The following TMEM63C variants were observed in gnomAD, a reference collection of about 807,000 sequenced individuals.
TMEM63C encodes osmosensitive cation channel TMEM63C.
TMEM63C carries 32 observed loss-of-function variants against 99.2 expected under a neutral mutation model. The observed-to-expected ratio is 0.32, with a 90% CI of 0.24 to 0.43. The LOEUF is 0.43. TMEM63C is among the 20% of genes least tolerant of loss of function. TMEM63C has a pLI of 1.00. For missense variants in TMEM63C, 826 were observed against 1,053.0 expected, an observed-to-expected ratio of 0.78 and a Z score of 2.98; for synonymous variants, 376 against 397.9, an observed-to-expected ratio of 0.94 and a Z score of 0.66.
Position 77,240,478 on chromosome 14 carries a change from G to A in TMEM63C, c.934G>A (p.Asp312Asn). The A allele has an allele frequency of 1.2e-6, 2 of 1,609,024 alleles. No homozygotes were observed. The highest frequency in any genetic ancestry group is 1.7e-6 in the Non-Finnish European group (2 of 1,179,558). ...CKCWTCFKEV[D>N]AEQYYSELEE... ...TGAAGGCTGCCTGCCACCCCAGGTGGATGCAGAGCAGTATTACAGCGAGCT... is the reference window on the plus strand; with the variant it reads ...TGAAGGCTGCCTGCCACCCCAGGTGAATGCAGAGCAGTATTACAGCGAGCT... Residue 312 changes from aspartate to asparagine, a missense_variant, in exon 13 of 24, where the codon GAT (aspartate) becomes AAT (asparagine). Transcript: ENST00000298351.
intron 7 of TMEM63C, among the ~76,000 whole-genome samples, chr14:77,232,464 T>C (rs1173557787): frequency 6.6e-6 from 1 of 152,032 alleles, no homozygotes. Flanking sequence ...ATTTTTGTAT[T>C]TTTAGTAGAG....
intron 13 of TMEM63C, among the ~76,000 whole-genome samples, chr14:77,241,082 CT>C (rs1355971918): frequency 1.6e-4 from 25 of 152,166 alleles, no homozygotes; most frequent in Admixed American, 1.5e-3. Context: ...TCCCAAGTAG[CT>C]GGGATTACAG....
intron 1 of TMEM63C, among the ~76,000 whole-genome samples, chr14:77,187,360 G>A (rs534040912): frequency 1.2e-4 from 18 of 152,334 alleles, no homozygotes; most frequent in Admixed American, 9.8e-4. Flanking sequence ...TGGGCAGGGC[G>A]CCCAGAACCA....
Position 77,244,466 on chromosome 14 carries a change from G to A in TMEM63C, c.1448+11G>A, listed in dbSNP as rs1427412522. The A allele has an allele frequency of 1.2e-6, 2 of 1,607,896 alleles. No individual in the cohort carries two copies. The highest frequency in any genetic ancestry group is 2.2e-5 in the East Asian group (1 of 44,858). Reference sequence around the variant, plus strand: ...GGCCCACTGGACCAGGTGACCTGGGGGCCTCCTCTCGTAGCCCTGTGGTTT... The same window carrying A: ...GGCCCACTGGACCAGGTGACCTGGGAGCCTCCTCTCGTAGCCCTGTGGTTT... On this transcript the variant is annotated intron_variant, in intron 16 of 23. Transcript: ENST00000298351.
At chr14:77,193,354 C>A (rs1179835755) in intron 1 of TMEM63C, among the ~76,000 whole-genome samples, 1 of 152,018 alleles carries the variant, frequency 6.6e-6, no homozygotes, top group East Asian at 1.9e-4. Flanking sequence ...AAGTTTTGAC[C>A]CAGGGATATC....
chr14:77,205,267 A>C (rs1256346862), intron 1 of TMEM63C, among the ~76,000 whole-genome samples: 1 of 152,208 alleles, frequency 6.6e-6, no homozygotes, highest in Non-Finnish European at 1.5e-5. Context: ...AAGGAGAGCG[A>C]AGAAAGCCCT....
rs149146698 is a variant in TMEM63C, at chr14:77,229,613, A to AATATATATATATATATATATATATATAT, written c.351-1956_351-1955insTATATATATATATATATATATATATATA. ...CAGGCACATGCTACCACACCCAGCT[A>AATATATATATATATATATATATATATAT]ATATATATATATATATATAGTAGAG... is the stretch of plus-strand genomic sequence containing the variant. On this transcript the variant is annotated intron_variant, in intron 6 of 23. Coordinates refer to ENST00000298351, the MANE Select transcript of TMEM63C (RefSeq NM_020431.4). Among the ~76,000 whole-genome samples the AATATATATATATATATATATATATATAT allele has an allele frequency of 2.7e-3, 323 of 117,808 alleles. 1 individual carries two copies. Among genetic ancestry groups the AATATATATATATATATATATATATATAT allele is most frequent in the East Asian group, 6.4e-3 (22 of 3,436 alleles). The allele number at this position is 117,808 out of a possible 152,430, so 77.3% of individuals were successfully genotyped here.
In TMEM63C at chr14:77,218,832, G is replaced by T; in HGVS notation, c.19G>T (p.Asp7Tyr). MSASPD[D>Y]LSTGGRLQNM... ...TCCCAGGATGTCTGCCTCACCAGAC[G>T]ACCTGAGTACAGGGGGAAGGTTACA... The change falls in exon 3 of 24, where the codon GAC becomes TAC. Residue 7 changes from aspartate (D) to tyrosine (Y), a missense_variant. Coordinates refer to ENST00000298351, the MANE Select transcript of TMEM63C (RefSeq NM_020431.4). 6.2e-7 allele frequency: 1 copy of T among 1,613,452 alleles called. No homozygotes were observed. Among genetic ancestry groups the T allele is most frequent in the Non-Finnish European group, 8.5e-7 (1 of 1,179,712 alleles).
chr14:77,195,038 G>A (rs1888192536), intron 1 of TMEM63C, among the ~76,000 whole-genome samples: 1 of 152,042 alleles, frequency 6.6e-6, no homozygotes, highest in Admixed American at 6.6e-5. Flanking sequence ...AGGATCAATT[G>A]AGCCCAGGCA....
At chr14:77,253,799 G>A (rs1889415348) in intron 23 of TMEM63C, among the ~76,000 whole-genome samples, 1 of 152,236 alleles carries the variant, frequency 6.6e-6, no homozygotes, top group African/African-American at 2.4e-5. Context: ...CTGATGGTAA[G>A]GCAGGGACGC....
At chr14:77,239,953 C>T (rs1264767292) in intron 12 of TMEM63C, among the ~76,000 whole-genome samples, 1 of 152,186 alleles carries the variant, frequency 6.6e-6, no homozygotes, top group Non-Finnish European at 1.5e-5. Context: ...GCTGCTGTCT[C>T]CTTTCTGGTC....
chr14:77,247,699 A>G lies in TMEM63C; in HGVS notation c.1602-648A>G, dbSNP rs146810612. On this transcript the variant is annotated intron_variant, in intron 18 of 23. Transcript: ENST00000298351. ...GTGATAACAAGTGTTGAGAATCCCA[A>G]TTTTCAAAGATATGTTGCAAATGAC... Among the ~76,000 whole-genome samples the G allele has an allele frequency of 7.0e-3, 1,072 of 152,228 alleles. 47 individuals are homozygous for G. The highest frequency in any genetic ancestry group is 0.064 in the Admixed American group (982 of 15,302).
intron 20 of TMEM63C, 116 bp from the exon 21 acceptor site, chr14:77,249,175 G>A (rs1889315649): frequency 2.7e-5 from 30 of 1,129,254 alleles, no homozygotes; most frequent in Non-Finnish European, 3.6e-5. Flanking sequence ...ACCCATCCTT[G>A]GTTGTTGTGA....
At chr14:77,250,546 TCTC>T (rs67772169) in intron 21 of TMEM63C, among the ~76,000 whole-genome samples, 9,281 of 151,948 alleles carry the variant, frequency 0.061, 401 homozygotes, top group Admixed American at 0.1. Context: ...TTAAAGCTAT[TCTC>T]CTGCCTCAGC....
chr14:77,220,657 C>T (rs1888675348), intron 5 of TMEM63C, among the ~76,000 whole-genome samples: 1 of 152,092 alleles, frequency 6.6e-6, no homozygotes, highest in African/African-American at 2.4e-5. Flanking sequence ...CGCTGTCTTC[C>T]CCAGGCAGGG....
intron 1 of TMEM63C, among the ~76,000 whole-genome samples, chr14:77,209,881 T>C (rs1299223744): frequency 6.6e-6 from 1 of 151,792 alleles, no homozygotes; most frequent in African/African-American, 2.4e-5. Context: ...GCCTGGAACT[T>C]CCAGTGAAGA....
chr14:77,251,414 A>C (rs1416982103), intron 21 of TMEM63C, among the ~76,000 whole-genome samples: 3 of 152,178 alleles, frequency 2.0e-5, no homozygotes, highest in Non-Finnish European at 4.4e-5. Flanking sequence ...TGCTCACTTC[A>C]AAAGGGCTTG....
At chr14:77,188,069 G>C (rs182622815) in intron 1 of TMEM63C, among the ~76,000 whole-genome samples, 118 of 152,316 alleles carry the variant, frequency 7.7e-4, no homozygotes, top group African/African-American at 2.6e-3. Context: ...GCCCTGGACT[G>C]TCTGAGCCAC....
At chr14:77,203,394 A>C (rs1888336580) in intron 1 of TMEM63C, among the ~76,000 whole-genome samples, 1 of 151,954 alleles carries the variant, frequency 6.6e-6, no homozygotes, top group Admixed American at 6.6e-5. Flanking sequence ...AAAAAAAAAA[A>C]AAAAAAACAA....
Sources: allele counts gnomAD v4.1 joint callset (sites outside exome capture counted in the v4.1 genomes callset), GRCh38; gene constraint gnomAD v4.1.1; transcripts MANE v1.5; gene names NCBI Gene and HGNC (gene_info 2026-07-23, HGNC 2026-07-21).